Variants in RASA2 observed in about 807,000 individuals in gnomAD.
RASA2 encodes the protein ras GTPase-activating protein 2.
Under a neutral mutation model 118.2 loss-of-function variants are expected in RASA2, and 155 were observed. The ratio of observed to expected loss-of-function variants is 1.31; its 90% CI spans 1.15 to 1.50. The LOEUF (loss-of-function observed/expected upper bound fraction) is 1.50, where lower values mean the gene tolerates loss of function less well. Ranked by LOEUF, RASA2 falls within the 40% of genes most tolerant of loss-of-function variation. RASA2 has a pLI of 0.00. For missense variants in RASA2, 1,016 were observed against 1,009.6 expected (o/e 1.01, Z -0.09); for synonymous variants, 353 against 349.1 (o/e 1.01, Z -0.12).
At position 141,496,641 on chromosome 3, in the gene RASA2, C is replaced by T. The variant is rs1244702311; in HGVS notation, c.133+9425C>T. ...TACTATCTCACACCAGTTAGAATGG[C>T]GATCATTAAAAAGTCAGGAAACAAC... On this transcript the variant is annotated intron_variant, in intron 1 of 23. Coordinates refer to ENST00000286364, the MANE Select transcript of RASA2 (RefSeq NM_006506.5). 5.3e-5 allele frequency among the ~76,000 whole-genome samples: 8 copies of T among 152,102 alleles called. No homozygotes were observed. In the South Asian group the frequency reaches 6.2e-4, roughly 12 times the overall value.
At chr3:141,593,594 A>G (rs1381422361) in intron 19 of RASA2, among the ~76,000 whole-genome samples, 4 of 152,210 alleles carry the variant, frequency 2.6e-5, no homozygotes, top group Non-Finnish European at 5.9e-5. Context: ...CAAAGGGGCT[A>G]GTGAAAAGCA....
intron 19 of RASA2, chr3:141,600,476 C>T (rs753385696): frequency 6.0e-6 from 2 of 332,268 alleles, no homozygotes; most frequent in Non-Finnish European, 1.2e-5. Context: ...TTAGACAGCT[C>T]GGCGACCTAC....
intron 23 of RASA2, among the ~76,000 whole-genome samples, chr3:141,610,413 T>TAA (rs2083626259): frequency 1.9e-5 from 2 of 104,556 alleles, no homozygotes; most frequent in African/African-American, 4.0e-5. Flanking sequence ...ATTATATATT[T>TAA]ATATTTATAT....
rs978974143 is a variant in RASA2 at position 141,520,550 on chromosome 3, T to G, written c.355+4119T>G. Among the ~76,000 whole-genome samples the G allele has an allele frequency of 2.6e-5, 4 of 152,162 alleles. No individual in the cohort carries two copies. In the East Asian group the frequency reaches 7.7e-4, roughly 29 times the overall value. ...TAACTATATATAACTGGAGTGTGTG[T>G]GTGTGTGTGTTATAATATACATGCA... On this transcript the variant is annotated intron_variant, in intron 3 of 23. Transcript: ENST00000286364.
intron 4 of RASA2, among the ~76,000 whole-genome samples, chr3:141,536,939 G>A (rs2151099434): frequency 6.6e-6 from 1 of 151,942 alleles, no homozygotes; most frequent in South Asian, 2.1e-4. Context: ...TAGAGACGGG[G>A]TTTCTCCGTG....
At chr3:141,519,339 G>T (rs529673986) in intron 3 of RASA2, among the ~76,000 whole-genome samples, 44 of 152,120 alleles carry the variant, frequency 2.9e-4, no homozygotes, top group African/African-American at 9.6e-4. Flanking sequence ...TTTAATGTGT[G>T]TTTTCTGATT....
chr3:141,594,413 C>CAGT (rs201052224), intron 19 of RASA2, among the ~76,000 whole-genome samples: 4,147 of 151,776 alleles, frequency 0.027, 217 homozygotes, highest in African/African-American at 0.09. Context: ...TTTGGTGAAA[C>CAGT]AGTATCTTAT....
At chr3:141,540,230 T>C (rs1560018294) in intron 4 of RASA2, among the ~76,000 whole-genome samples, 1 of 152,218 alleles carries the variant, frequency 6.6e-6, no homozygotes, top group South Asian at 2.1e-4. Flanking sequence ...TATCTCAAAA[T>C]TTCCTTAAAT....
At chr3:141,538,981 G>A (rs931961040) in intron 4 of RASA2, among the ~76,000 whole-genome samples, 1 of 152,154 alleles carries the variant, frequency 6.6e-6, no homozygotes, top group African/African-American at 2.4e-5. Flanking sequence ...AGAGACAGTT[G>A]TGTTAGCATA....
intron 11 of RASA2, among the ~76,000 whole-genome samples, chr3:141,572,051 T>C (rs1006765357): frequency 2.2e-5 from 3 of 133,890 alleles, no homozygotes; most frequent in East Asian, 2.4e-4. Flanking sequence ...TATATATATA[T>C]ATATATATAT....
rs760032669 is a variant in RASA2 at position 141,572,714 on chromosome 3, T to A, written c.1275T>A (p.Ile425=). ...ACCTGAAAGTAACATTAAAACCTATTCTTGATGAGGTACAGAATATATCTC... is the reference window on the plus strand; with the variant it reads ...ACCTGAAAGTAACATTAAAACCTATACTTGATGAGGTACAGAATATATCTC... ...GHYLKVTLKP[I]LDEICDSSKS... The change falls in exon 12 of 24, where the codon ATT becomes ATA. Residue 425 remains isoleucine, a synonymous_variant. Transcript: ENST00000286364. 6.3e-7 allele frequency: 1 copy of A among 1,599,396 alleles called. No individual in the cohort carries two copies. Among genetic ancestry groups the A allele is most frequent in the South Asian group, 1.1e-5 (1 of 90,506 alleles).
intron 1 of RASA2, among the ~76,000 whole-genome samples, chr3:141,491,974 G>T (rs1448931821): frequency 1.3e-5 from 2 of 152,202 alleles, no homozygotes; most frequent in Non-Finnish European, 2.9e-5. Context: ...TTCATGCTAA[G>T]AGTTCATTTT....
At position 141,582,056 on chromosome 3, in the gene RASA2, A is replaced by G. The variant is rs541827443; in HGVS notation, c.1752+879A>G. ...AAACTGGGCCTGAAGAAAGTACTGT[A>G]TTTTATGTATCACAGTCTTAACTTA... On this transcript the variant is annotated intron_variant, in intron 17 of 23. Coordinates refer to ENST00000286364, the MANE Select transcript of RASA2 (RefSeq NM_006506.5). Among the ~76,000 whole-genome samples the G allele has an allele frequency of 1.2e-4, 18 of 152,370 alleles. No homozygotes were observed. In the South Asian group the frequency reaches 1.2e-3, roughly 11 times the overall value.
rs562224628 is a variant in RASA2 at position 141,497,324 on chromosome 3, A to T, written c.133+10108A>T. Among the ~76,000 whole-genome samples, 84 of 150,810 alleles carry T rather than the reference A, an allele frequency of 5.6e-4. 2 individuals carry two copies. Among genetic ancestry groups the T allele is most frequent in the African/African-American group, 1.6e-3 (68 of 41,302 alleles). On this transcript the variant is annotated intron_variant, in intron 1 of 23. Transcript: ENST00000286364. ...TACCCTAAAACGTAAAGTATAATAAAAAAAAAAAAAGAGCGAGTTAGCCTT... is the reference window on the plus strand; with the variant it reads ...TACCCTAAAACGTAAAGTATAATAATAAAAAAAAAAGAGCGAGTTAGCCTT...
intron 19 of RASA2, among the ~76,000 whole-genome samples, chr3:141,604,551 T>G (rs890597243): frequency 2.6e-5 from 4 of 152,204 alleles, no homozygotes; most frequent in Non-Finnish European, 5.9e-5. Flanking sequence ...CTTGTTTCTT[T>G]TACCTTTTTA....
chr3:141,556,638 G>GA (rs940473914), intron 7 of RASA2, among the ~76,000 whole-genome samples: 13 of 146,108 alleles, frequency 8.9e-5, no homozygotes, highest in South Asian at 2.2e-4. Flanking sequence ...GCAAACTACA[G>GA]AAAAAAAAAA....
At chr3:141,518,521 A>T (rs2151085970) in intron 3 of RASA2, among the ~76,000 whole-genome samples, 1 of 142,792 alleles carries the variant, frequency 7.0e-6, no homozygotes, top group Non-Finnish European at 1.5e-5. Context: ...AAAAAAAATT[A>T]AGCGTTGTCT....
At chr3:141,524,539 C>G (rs2082158206) in intron 3 of RASA2, among the ~76,000 whole-genome samples, 1 of 152,044 alleles carries the variant, frequency 6.6e-6, no homozygotes, top group East Asian at 1.9e-4. Context: ...GTTCAGTCCT[C>G]TGGTCCTGTT....
At chr3:141,537,962 A>G (rs1402251203) in intron 4 of RASA2, among the ~76,000 whole-genome samples, 12 of 152,098 alleles carry the variant, frequency 7.9e-5, no homozygotes, top group Non-Finnish European at 1.6e-4. Flanking sequence ...TTTCCTCTAG[A>G]GAAGAAGTAT....
Sources: allele counts gnomAD v4.1 joint callset (sites outside exome capture counted in the v4.1 genomes callset), GRCh38; gene constraint gnomAD v4.1.1; transcripts MANE v1.5; gene names NCBI Gene and HGNC (gene_info 2026-07-23, HGNC 2026-07-21).